IL12B: variants seen among roughly 807,000 people sequenced by gnomAD.
IL12B encodes interleukin 12B, also known as interleukin-12 subunit beta.
IL12B carries 27 observed loss-of-function variants against 39.2 expected under a neutral mutation model. The ratio of observed to expected loss-of-function variants is 0.69; its 90% CI spans 0.51 to 0.95. The LOEUF (loss-of-function observed/expected upper bound fraction) is 0.95, where lower values mean the gene tolerates loss of function less well. Among genes scored for constraint, IL12B ranks in the 40% least tolerant of loss-of-function variants. IL12B has a pLI of 0.00. For missense variants in IL12B, 351 were observed against 397.6 expected (o/e 0.88, Z 1.00); for synonymous variants, 142 against 152.1 (o/e 0.93, Z 0.49).
chr5:159,321,235 C>G (rs1441571536), intron 4 of IL12B, among the ~76,000 whole-genome samples: 1 of 151,702 alleles, frequency 6.6e-6, no homozygotes, highest in Non-Finnish European at 1.5e-5. Context: ...GAACTCCTGG[C>G]CTCAAGCAAT....
In IL12B at chr5:159,323,453, A is replaced by G. The variant is rs1754135258; in HGVS notation, c.89-124T>C. 3.3e-6 allele frequency: 3 copies of G among 900,516 alleles called. No homozygotes were observed. The Admixed American group carries it at 6.0e-5, about 18-fold the overall frequency. 55.8% of individuals were successfully genotyped at this position (900,516 alleles called of 1,614,324 possible). A position where few individuals can be genotyped will look rare whatever the true frequency, so the allele number is the denominator to read the frequency against. On this transcript the variant is annotated intron_variant, in intron 2 of 7. Coordinates refer to ENST00000231228, the MANE Select transcript of IL12B (RefSeq NM_002187.3). The stretch of plus-strand genomic sequence containing the variant: ...CCTTGTTTACAACAAGTATTTGGCA[A>G]ATGCTTGCTGAGATGATCTCAAGGC...
At chr5:159,318,290 A>G (rs565987860) in intron 6 of IL12B, 1 of 208,710 alleles carries the variant, frequency 4.8e-6, no homozygotes, top group African/African-American at 2.3e-5. Flanking sequence ...ACAGCTCTAG[A>G]CACATAGAAA....
chr5:159,322,248 T>C (rs1401003859), intron 4 of IL12B, 146 bp downstream of exon 4: 1 of 733,084 alleles, frequency 1.4e-6, no homozygotes, highest in African/African-American at 1.7e-5. Context: ...TTCTTCAATG[T>C]AGACAAGGAA....
Position 159,326,569 on chromosome 5 carries a change from G to C in IL12B, c.88+126C>G, listed in dbSNP as rs1754193330. On this transcript the variant is annotated intron_variant, in intron 2 of 7. Transcript: ENST00000231228. Reference sequence around the variant, plus strand: ...AGATATGGCATTGCATTTTCCCAGAGTGATGGCTTTCTCTAGAGGACCCAG... The same window carrying C: ...AGATATGGCATTGCATTTTCCCAGACTGATGGCTTTCTCTAGAGGACCCAG... 4.3e-6 allele frequency: 3 copies of C among 700,554 alleles called. No homozygotes were observed. In the Admixed American group the frequency reaches 7.1e-5, roughly 17 times the overall value. The allele number at this position is 700,554 out of a possible 1,614,324, so 43.4% of individuals were successfully genotyped here. A position where few individuals can be genotyped will look rare whatever the true frequency, so the allele number is the denominator to read the frequency against.
chr5:159,328,558 C>T (rs1003199), intron 1 of IL12B, among the ~76,000 whole-genome samples: 64,881 of 152,036 alleles, frequency 0.43, 14,700 homozygotes, highest in Non-Finnish European at 0.5. Context: ...GGGAACAATT[C>T]GGTATCTGTG....
chr5:159,323,900 A>AT (rs1754144208), intron 2 of IL12B, among the ~76,000 whole-genome samples: 1 of 118,914 alleles, frequency 8.4e-6, no homozygotes, highest in African/African-American at 4.1e-5. Flanking sequence ...TGAGGATTAA[A>AT]TGAAAAAAAA....
At chr5:159,321,385 ACAT>A (rs1446184817) in intron 4 of IL12B, among the ~76,000 whole-genome samples, 7 of 146,354 alleles carry the variant, frequency 4.8e-5, no homozygotes, top group African/African-American at 1.6e-4. Flanking sequence ...ACACACACAC[ACAT>A]ATGTATACAC....
intron 6 of IL12B, 145 bp from the exon 7 acceptor site, chr5:159,316,961 A>G: frequency 1.1e-6 from 1 of 870,650 alleles, no homozygotes; most frequent in South Asian, 1.4e-5. Flanking sequence ...GGGTGTGCAT[A>G]GAACTTGCAC....
intron 4 of IL12B, among the ~76,000 whole-genome samples, chr5:159,321,085 A>G (rs1754081296): frequency 6.6e-6 from 1 of 151,504 alleles, no homozygotes; most frequent in Non-Finnish European, 1.5e-5. Context: ...CTGTAGCCTC[A>G]AACTCCTAGG....
Position 159,322,983 on chromosome 5 carries a change from T to C in IL12B, c.364+71A>G, listed in dbSNP as rs1184659667. 6.4e-6 allele frequency: 9 copies of C among 1,410,662 alleles called. No individual in the cohort carries two copies. In the Admixed American group the frequency reaches 1.5e-4, roughly 24 times the overall value. The allele number at this position is 1,410,662 out of a possible 1,614,324, so 87.4% of individuals were successfully genotyped here. ...CTCACCATGACTTGGCTTTTCAATT[T>C]GTTGTTGTTGTTGTTTTTAACTCTT... On this transcript the variant is annotated intron_variant, in intron 3 of 7. Coordinates refer to ENST00000231228, the MANE Select transcript of IL12B (RefSeq NM_002187.3).
intron 2 of IL12B, chr5:159,325,544 A>T (rs1754171337): frequency 6.6e-6 from 1 of 152,162 alleles, no homozygotes; most frequent in Non-Finnish European, 1.5e-5. Flanking sequence ...CTCTCCAAAG[A>T]CCTGGGAAAA....
In IL12B at chr5:159,318,761, A is replaced by T. The variant is rs1754031757; in HGVS notation, c.830T>A (p.Val277Asp). Reference protein sequence around the residue: ...SYFSLTFCVQVQGKSKREKKD... With the variant: ...SYFSLTFCVQDQGKSKREKKD... ...CTTTTCTCTCTTGCTCTTGCCCTGG[A>T]CCTGAACGCAGAATGTCAGGGAGAA... Residue 277 changes from valine (V) to aspartate (D), a missense_variant, in exon 6 of 8, where the codon GTC (valine) becomes GAC (aspartate). Transcript: ENST00000231228. 6.2e-7 allele frequency: 1 copy of T among 1,614,010 alleles called. No homozygotes were observed. Among genetic ancestry groups the T allele is most frequent in the African/African-American group, 1.3e-5 (1 of 74,892 alleles).
chr5:159,326,803 A>G, intron 1 of IL12B, 21 bp from the exon 2 acceptor site: 1 of 1,424,440 alleles, frequency 7.0e-7, no homozygotes, highest in East Asian at 2.3e-5. Flanking sequence ...GGAGAGAAGC[A>G]GGGGGAAGAG....
chr5:159,318,130 C>T (rs1383799271), intron 6 of IL12B: 2 of 157,560 alleles, frequency 1.3e-5, no homozygotes, highest in African/African-American at 4.8e-5. Context: ...CCTGCATCAG[C>T]TACAGCTTTA....
In IL12B at chr5:159,316,724, G is replaced by C; in HGVS notation, c.948C>G (p.Ser316Arg). ...ISVRAQDRYY[S>R]SSWSEWASVP... ...CAGATGCCCATTCGCTCCAAGATGA[G>C]CTATAGTAGCGGTCCTGGGCCCGCA... Residue 316 changes from serine (S) to arginine (R), a missense_variant, in exon 7 of 8, where the codon AGC becomes AGG. Transcript: ENST00000231228. The C allele has an allele frequency of 1.2e-6, 2 of 1,614,052 alleles. No homozygotes were observed. Among genetic ancestry groups the C allele is most frequent in the Non-Finnish European group, 1.7e-6 (2 of 1,180,002 alleles).
chr5:159,316,466 G>C (rs1236631447), intron 7 of IL12B, among the ~76,000 whole-genome samples: 1 of 152,196 alleles, frequency 6.6e-6, no homozygotes, highest in Non-Finnish European at 1.5e-5. Context: ...ACCCCGGTCT[G>C]TTTTCTTTCC....
chr5:159,320,257 A>G (rs760151695), intron 5 of IL12B, 49 bp downstream of exon 5: 107 of 1,516,236 alleles, frequency 7.1e-5, no homozygotes, highest in South Asian at 3.8e-4. Flanking sequence ...TGAACACGTG[A>G]CAAATAGTAT....
chr5:159,320,221 C>T lies in IL12B; in HGVS notation c.697+85G>A, dbSNP rs1382166924. ...TAAAAGAGATGATGCTTGTCAACCA[C>T]CTACCCCACAGTGCATGGGGCATTG... On this transcript the variant is annotated intron_variant, in intron 5 of 7. Coordinates refer to ENST00000231228, the MANE Select transcript of IL12B (RefSeq NM_002187.3). 17 of 1,149,394 alleles carry T rather than the reference C, an allele frequency of 1.5e-5. No individual in the cohort carries two copies. The East Asian group carries it at 3.5e-4, about 24-fold the overall frequency. The allele number at this position is 1,149,394 out of a possible 1,614,324, so 71.2% of individuals were successfully genotyped here.
chr5:159,326,686 G>T lies in IL12B; in HGVS notation c.88+9C>A, dbSNP rs1457388380. On this transcript the variant is annotated intron_variant, in intron 2 of 7. Transcript: ENST00000231228. ...GGGCCTCCACAGAGAATAATGAGAG[G>T]CTGGTTACCATCTTTCTTCAGTTCC... 3.1e-6 allele frequency: 5 copies of T among 1,595,862 alleles called. No individual in the cohort carries two copies. Among genetic ancestry groups the T allele is most frequent in the South Asian group, 2.2e-5 (2 of 90,686 alleles).
Sources: gnomAD v4.1 joint callset for allele counts (sites outside exome capture counted in the v4.1 genomes callset) on GRCh38, gnomAD v4.1.1 for gene constraint, MANE v1.5 for transcripts, NCBI Gene and HGNC (gene_info 2026-07-23, HGNC 2026-07-21) for gene names.